DAPK1: variants seen among roughly 807,000 people sequenced by gnomAD.
The protein encoded by DAPK1 is death-associated protein kinase 1.
In DAPK1, 56 loss-of-function variants were observed where a neutral mutation model predicts 144.9. The observed-to-expected ratio is 0.39, with a 90% CI of 0.31 to 0.48. DAPK1 has a LOEUF of 0.48. Ranked by LOEUF, DAPK1 falls within the 20% of genes least tolerant of loss-of-function variation. The probability of loss-of-function intolerance (pLI) is 0.95; values close to 1 mark genes in which losing one functional copy is unlikely to be tolerated. For synonymous variants in DAPK1, 690 were observed against 749.0 expected (o/e 0.92, Z 1.29); for missense variants, 1,454 against 1,875.4 (o/e 0.78, Z 4.15).
intron 2 of DAPK1, among the ~76,000 whole-genome samples, chr9:87,580,995 C>G (rs950966466): frequency 1.3e-5 from 2 of 152,162 alleles, no homozygotes; most frequent in African/African-American, 4.8e-5. Context: ...CCACTAAACC[C>G]TCTCCCACTC....
chr9:87,597,601 G>A (rs576131127), intron 2 of DAPK1, among the ~76,000 whole-genome samples: 1 of 152,102 alleles, frequency 6.6e-6, no homozygotes, highest in South Asian at 2.1e-4. Context: ...AAAACAGTGT[G>A]CGCTCACATG....
rs1386587991 is a variant in DAPK1 at position 87,638,191 on chromosome 9, C to T, written c.423+110C>T. 2.5e-6 allele frequency: 3 copies of T among 1,184,252 alleles called. No individual in the cohort carries two copies. In the Admixed American group the frequency reaches 7.4e-5, roughly 29 times the overall value. The allele number at this position is 1,184,252 out of a possible 1,614,324, so 73.4% of individuals were successfully genotyped here. A position where few individuals can be genotyped will look rare whatever the true frequency, so the allele number is the denominator to read the frequency against. On this transcript the variant is annotated intron_variant, in intron 4 of 25. Transcript: ENST00000408954. Reference sequence around the variant, plus strand: ...GAAAGAGTTACATGATTTTCCTGTACCAGTTTAACAAACAGAAATATCACT... The same window carrying T: ...GAAAGAGTTACATGATTTTCCTGTATCAGTTTAACAAACAGAAATATCACT...
intron 21 of DAPK1, among the ~76,000 whole-genome samples, chr9:87,693,038 T>G (rs1375021777): frequency 1.4e-5 from 2 of 140,908 alleles, no homozygotes; most frequent in Non-Finnish European, 3.1e-5. Flanking sequence ...AATTGGACTA[T>G]AATGTGCCAT....
At chr9:87,603,881 T>C (rs1828615792) in intron 2 of DAPK1, among the ~76,000 whole-genome samples, 1 of 152,164 alleles carries the variant, frequency 6.6e-6, no homozygotes, top group African/African-American at 2.4e-5. Flanking sequence ...ATTATTACAG[T>C]CTTTAATATA....
intron 2 of DAPK1, among the ~76,000 whole-genome samples, chr9:87,541,833 T>G (rs985137339): frequency 4.6e-5 from 7 of 152,222 alleles, no homozygotes; most frequent in Non-Finnish European, 8.8e-5. Context: ...GTGATGCATG[T>G]TTTCCTGTTC....
chr9:87,666,914 C>A (rs894683200), intron 18 of DAPK1, among the ~76,000 whole-genome samples: 2 of 152,128 alleles, frequency 1.3e-5, no homozygotes, highest in African/African-American at 4.8e-5. Context: ...TCAGACGTGT[C>A]GGGGGCAGGA....
At chr9:87,666,938 G>A (rs766454215) in intron 18 of DAPK1, among the ~76,000 whole-genome samples, 1 of 152,184 alleles carries the variant, frequency 6.6e-6, no homozygotes, top group Admixed American at 6.5e-5. Flanking sequence ...TTCAGTCAAG[G>A]CTCAGATTTC....
chr9:87,560,973 G>A (rs1483292429), intron 2 of DAPK1, among the ~76,000 whole-genome samples: 1 of 152,042 alleles, frequency 6.6e-6, no homozygotes, highest in East Asian at 1.9e-4. Flanking sequence ...GCTAGGATGT[G>A]CTTCCTTTTT....
chr9:87,638,008 C>T lies in DAPK1; in HGVS notation c.350C>T (p.Thr117Ile). 3 of 1,614,172 alleles carry T rather than the reference C, an allele frequency of 1.9e-6. No individual in the cohort carries two copies. Among genetic ancestry groups the T allele is most frequent in the Non-Finnish European group, 2.5e-6 (3 of 1,180,002 alleles). ...EKESLTEEEA[T>I]EFLKQILNGV... ...GAATCTTTAACTGAAGAGGAAGCAA[C>T]TGAATTTCTCAAACAAATTCTTAAT... The change falls in exon 4 of 26, where the codon ACT becomes ATT. Residue 117 changes from threonine to isoleucine, a missense_variant. Thr to Ile is a moderately conservative substitution (Grantham distance 89). Coordinates refer to ENST00000408954, the MANE Select transcript of DAPK1 (RefSeq NM_004938.4).
intron 2 of DAPK1, among the ~76,000 whole-genome samples, chr9:87,549,870 A>G (rs774630533): frequency 6.6e-6 from 1 of 152,198 alleles, no homozygotes; most frequent in Non-Finnish European, 1.5e-5. Context: ...CAGATCCACA[A>G]TGAACATTTT....
chr9:87,567,762 C>T (rs572165570), intron 2 of DAPK1, among the ~76,000 whole-genome samples: 4 of 152,160 alleles, frequency 2.6e-5, no homozygotes, highest in African/African-American at 9.6e-5. Context: ...AGTCTGTGAG[C>T]CCCACCCCAC....
intron 2 of DAPK1, among the ~76,000 whole-genome samples, chr9:87,592,630 C>T (rs557086207): frequency 3.3e-5 from 5 of 152,254 alleles, no homozygotes; most frequent in East Asian, 1.9e-4. Flanking sequence ...CTGTCCTGGC[C>T]GTGGTGGATA....
Position 87,658,098 on chromosome 9 carries a change from A to T in DAPK1, c.1894A>T (p.Met632Leu). The T allele has an allele frequency of 1.3e-6, 2 of 1,522,824 alleles. No homozygotes were observed. The highest frequency in any genetic ancestry group is 1.1e-5 in the South Asian group (1 of 88,592). 94.3% of individuals were successfully genotyped at this position (1,522,824 alleles called of 1,614,324 possible). Reference protein sequence around the residue: ...ILDVVRYLCLMGASVEALTTD... With the variant: ...ILDVVRYLCLLGASVEALTTD... The stretch of plus-strand genomic sequence containing the variant: ...AGACGTGGTCCGGTATCTCTGTCTG[A>T]TGGGAGCCAGCGTTGAGGCGCTGAC... Residue 632 changes from methionine to leucine, a missense_variant, in exon 18 of 26, where the codon ATG becomes TTG. Around this residue, in one of 2 missense-constraint regions of DAPK1, gnomAD observed 1,025 missense variants for 1,237.9 expected, o/e 0.83. Coordinates refer to ENST00000408954, the MANE Select transcript of DAPK1 (RefSeq NM_004938.4).
chr9:87,596,580 T>C (rs919718183), intron 2 of DAPK1, among the ~76,000 whole-genome samples: 5 of 152,188 alleles, frequency 3.3e-5, no homozygotes, highest in Non-Finnish European at 5.9e-5. Context: ...CCATGCGTGC[T>C]GATGGGATGA....
intron 2 of DAPK1, among the ~76,000 whole-genome samples, chr9:87,551,217 G>A (rs36231973): frequency 0.24 from 35,369 of 149,822 alleles, 4,652 homozygotes; most frequent in Non-Finnish European, 0.31. Context: ...GTGCGATCTC[G>A]GCTCACTGCA....
intron 2 of DAPK1, among the ~76,000 whole-genome samples, chr9:87,576,588 CT>C (rs1298840331): frequency 4.6e-5 from 7 of 152,076 alleles, no homozygotes; most frequent in Admixed American, 4.6e-4. Flanking sequence ...GACGGAGTCT[CT>C]CTCTATTTCC....
intron 2 of DAPK1, among the ~76,000 whole-genome samples, chr9:87,553,062 G>A (rs1441583894): frequency 6.6e-6 from 1 of 152,078 alleles, no homozygotes; most frequent in Admixed American, 6.6e-5. Context: ...TCTCCTCCTA[G>A]CCCCTGGCAA....
chr9:87,571,528 C>CACACACACACACA (rs55676810), intron 2 of DAPK1, among the ~76,000 whole-genome samples: 15 of 135,712 alleles, frequency 1.1e-4, no homozygotes, highest in South Asian at 2.3e-4. Context: ...CACACACACA[C>CACACACACACACA]CAGAAGCGAA....
chr9:87,621,987 C>T (rs561051713), intron 3 of DAPK1, among the ~76,000 whole-genome samples: 1 of 152,002 alleles, frequency 6.6e-6, no homozygotes, highest in Non-Finnish European at 1.5e-5. Flanking sequence ...CCTTTGGGCC[C>T]ATGGAATGAC....
Sources: gnomAD v4.1 joint callset for allele counts (sites outside exome capture counted in the v4.1 genomes callset) on GRCh38, gnomAD v4.1.1 for gene constraint, gnomAD v4.1.1 regional missense constraint, MANE v1.5 for transcripts, NCBI Gene and HGNC (gene_info 2026-07-23, HGNC 2026-07-21) for gene names.